TNRC18: variants seen among roughly 807,000 people sequenced by gnomAD.
TNRC18 encodes the protein trinucleotide repeat-containing gene 18 protein.
TNRC18 carries 69 observed loss-of-function variants against 226.7 expected under a neutral mutation model. The ratio of observed to expected loss-of-function variants is 0.30; its 90% confidence interval spans 0.25 to 0.37. TNRC18 has a LOEUF of 0.37. Among genes scored for constraint, TNRC18 ranks in the 10% least tolerant of loss-of-function variants. TNRC18 has a pLI of 1.00. For synonymous variants in TNRC18, 2,449 were observed against 1,927.6 expected (o/e 1.27, Z -7.09); for missense variants, 4,754 against 4,256.6 (o/e 1.12, Z -3.25).
At chr7:5,335,621 A>AG (rs1453184007) in intron 18 of TNRC18, among the ~76,000 whole-genome samples, 59 of 150,232 alleles carry the variant, frequency 3.9e-4, no homozygotes, top group African/African-American at 1.4e-3. Context: ...AAAAAAAAAA[A>AG]ATTAGAAAGG....
intron 14 of TNRC18, among the ~76,000 whole-genome samples, chr7:5,359,990 A>G (rs1001395116): frequency 3.4e-5 from 5 of 146,986 alleles, no homozygotes; most frequent in Non-Finnish European, 4.5e-5. Flanking sequence ...CCAGTAAGGG[A>G]AAAAAAAAAC....
intron 24 of TNRC18, among the ~76,000 whole-genome samples, chr7:5,316,274 CTTTT>C (rs1278896095): frequency 1.2e-4 from 10 of 86,534 alleles, no homozygotes; most frequent in African/African-American, 3.7e-4. Context: ...AGAAATGGGT[CTTTT>C]TTTTTTTTTT....
intron 11 of TNRC18, among the ~76,000 whole-genome samples, 151 bp from the exon 12 acceptor site, chr7:5,362,976 GA>G (rs1793222191): frequency 6.6e-6 from 1 of 152,230 alleles, no homozygotes; most frequent in Non-Finnish European, 1.5e-5. Context: ...TGACATGCCG[GA>G]AGTCCTGAGC....
At chr7:5,389,969 G>A (rs1203857187) in intron 4 of TNRC18, 5 of 169,740 alleles carry the variant, frequency 2.9e-5, no homozygotes, top group Non-Finnish European at 5.0e-5. Flanking sequence ...AAAGTTGCCC[G>A]GAAGGCCTAG....
In TNRC18 at chr7:5,312,899, G is replaced by C; in HGVS notation, c.7992C>G (p.Ser2664=). The part of the protein sequence containing the change: ...SSSSSSSSSS[S]SSSSSSSTTD... ...TGGTGGAGGAAGAAGAGGAGGAAGA[G>C]GAGGAGGAGGAGGAGGATGAGGACG... Residue 2664 remains serine (S), a synonymous_variant, in exon 27 of 30, where the codon TCC becomes TCG. Coordinates refer to ENST00000430969, the MANE Select transcript of TNRC18 (RefSeq NM_001080495.3). This position sits in a 1 kb window ranked among gnomAD's most constrained non-coding sequence, Gnocchi z 6.3. The C allele has an allele frequency of 7.1e-7, 1 of 1,399,376 alleles. No homozygotes were observed. The highest frequency in any genetic ancestry group is 9.6e-7 in the Non-Finnish European group (1 of 1,041,106). The allele number at this position is 1,399,376 out of a possible 1,614,324, so 86.7% of individuals were successfully genotyped here.
chr7:5,361,518 C>T lies in TNRC18; in HGVS notation c.4661+76G>A. 6 of 1,415,484 alleles carry T rather than the reference C, an allele frequency of 4.2e-6. No individual in the cohort carries two copies. The Admixed American group carries it at 1.2e-4, about 28-fold the overall frequency. 87.7% of individuals were successfully genotyped at this position (1,415,484 alleles called of 1,614,324 possible). ...CGCGAGGTCCCCCAGCACCCCGAGGCAGGCCCTGCGTGGGGCCCGGGCTCC... is the reference window on the plus strand; with the variant it reads ...CGCGAGGTCCCCCAGCACCCCGAGGTAGGCCCTGCGTGGGGCCCGGGCTCC... On this transcript the variant is annotated intron_variant, in intron 14 of 29. Transcript: ENST00000430969.
At position 5,308,130 on chromosome 7, in the gene TNRC18, C is replaced by T. The variant is rs368673254; in HGVS notation, c.8883G>A (p.Thr2961=). The T allele has an allele frequency of 3.2e-6, 5 of 1,557,422 alleles. No individual in the cohort carries two copies. Among genetic ancestry groups the T allele is most frequent in the Non-Finnish European group, 4.3e-6 (5 of 1,151,572 alleles). The stretch of plus-strand genomic sequence containing the variant: ...CTCAGCAGAGCACGGGCACGCCGTC[C>T]GTGGAGAAGATCATGCCCGTGGTGG... ...YEPTTGMIFS[T]DGVPVLC is the part of the protein sequence containing the mutation. Residue 2961 remains threonine (T), a synonymous_variant, in exon 30 of 30, where the codon ACG becomes ACA. Coordinates refer to ENST00000430969, the MANE Select transcript of TNRC18 (RefSeq NM_001080495.3).
chr7:5,352,464 A>G (rs1200469989), intron 16 of TNRC18, among the ~76,000 whole-genome samples: 1 of 152,120 alleles, frequency 6.6e-6, no homozygotes, highest in Non-Finnish European at 1.5e-5. Context: ...TGGGATTACG[A>G]TGGCCCAAGG....
intron 18 of TNRC18, among the ~76,000 whole-genome samples, chr7:5,335,060 G>C (rs541201977): frequency 3.9e-4 from 59 of 152,102 alleles, no homozygotes; most frequent in Non-Finnish European, 1.5e-4. Flanking sequence ...CCAGCCCTTT[G>C]GGAGGTCAAG....
chr7:5,421,299 A>G lies in TNRC18; in HGVS notation c.-53T>C, dbSNP rs1782572639. 1.6e-6 allele frequency: 2 copies of G among 1,238,056 alleles called. No individual in the cohort carries two copies. Among genetic ancestry groups the G allele is most frequent in the Non-Finnish European group, 2.0e-6 (2 of 987,390 alleles). The allele number at this position is 1,238,056 out of a possible 1,614,324, so 76.7% of individuals were successfully genotyped here. A position where few individuals can be genotyped will look rare whatever the true frequency, so the allele number is the denominator to read the frequency against. ...CCCACCCGGCCCGCAGGCCTAGCTC[A>G]GTGGGACCTAAAAGTTCGGCCTCGG... On this transcript the variant is annotated 5_prime_UTR_variant, in exon 2 of 30. An upstream open reading frame in the 5' UTR loses its in-frame stop. Coordinates refer to ENST00000430969, the MANE Select transcript of TNRC18 (RefSeq NM_001080495.3).
Position 5,313,685 on chromosome 7 carries a change from G to A in TNRC18, c.7206C>T (p.Ala2402=), listed in dbSNP as rs745770637. 1 of 1,605,598 alleles carries A rather than the reference G, an allele frequency of 6.2e-7. No homozygotes were observed. Among genetic ancestry groups the A allele is most frequent in the African/African-American group, 1.3e-5 (1 of 74,778 alleles). Residue 2402 remains alanine, a synonymous_variant, in exon 27 of 30, where the codon GCC becomes GCT. Transcript: ENST00000430969. ...GCTCGGGTGCTGGGCAGCTGGTGAA[G>A]GCGGGTGGTGCGGGACTGGGCTGCG... ...APPQPSPAPP[A]FTSCPAPEPF...
At chr7:5,361,223 G>A (rs965834835) in intron 14 of TNRC18, among the ~76,000 whole-genome samples, 3 of 152,170 alleles carry the variant, frequency 2.0e-5, no homozygotes, top group Non-Finnish European at 4.4e-5. Flanking sequence ...AGCGACAGCC[G>A]GGTCATAGCC....
At chr7:5,356,829 G>A (rs969644940) in intron 16 of TNRC18, 87 bp downstream of exon 16, 1 of 765,964 alleles carries the variant, frequency 1.3e-6, no homozygotes. Flanking sequence ...AGAGTGAGGG[G>A]CGGGGGGGGA....
At chr7:5,422,099 C>T (rs374782582) in intron 1 of TNRC18, among the ~76,000 whole-genome samples, 1 of 152,108 alleles carries the variant, frequency 6.6e-6, no homozygotes, top group Admixed American at 6.5e-5. Context: ...GTGGTCCCCC[C>T]CCTTTCTCCC....
rs866347435 is a variant in TNRC18 at position 5,332,851 on chromosome 7, T to G, written c.5918A>C (p.Lys1973Thr). The change falls in exon 19 of 30, where the codon AAG (lysine) becomes ACG (threonine). Residue 1973 changes from lysine (K) to threonine (T), a missense_variant. Physicochemically the swap from Lys to Thr is moderately conservative, Grantham distance 78. Coordinates refer to ENST00000430969, the MANE Select transcript of TNRC18 (RefSeq NM_001080495.3). Reference sequence around the variant, plus strand: ...GCCAGGCTCCTTGGGGCCCCGCAGCTTCCGGGCCTTGCGCCCCTTCTCCAC... The same window carrying G: ...GCCAGGCTCCTTGGGGCCCCGCAGCGTCCGGGCCTTGCGCCCCTTCTCCAC... ...LAVEKGRKARKLRGPKEPGFE... is the reference protein window; with the variant it reads ...LAVEKGRKARTLRGPKEPGFE... 6.6e-7 allele frequency: 1 copy of G among 1,510,684 alleles called. No individual in the cohort carries two copies. The highest frequency in any genetic ancestry group is 1.2e-5 in the South Asian group (1 of 80,778). The allele number at this position is 1,510,684 out of a possible 1,614,324, so 93.6% of individuals were successfully genotyped here. A position where few individuals can be genotyped will look rare whatever the true frequency, so the allele number is the denominator to read the frequency against.
chr7:5,388,558 C>A lies in TNRC18; in HGVS notation c.1266G>T (p.Arg422=). The change falls in exon 5 of 30, where the codon CGG becomes CGT. Residue 422 remains arginine (R), a synonymous_variant. Coordinates refer to ENST00000430969, the MANE Select transcript of TNRC18 (RefSeq NM_001080495.3). ...AGTTCTTCTCGCGCAGGCCCTCGGG[C>A]CGGTCCAGAGGCCGCGGGGAGCCGG... ...APPGSPRPLD[R]PEGLREKNSV... 1 of 1,312,702 alleles carries A rather than the reference C, an allele frequency of 7.6e-7. No individual in the cohort carries two copies. Among genetic ancestry groups the A allele is most frequent in the Non-Finnish European group, 9.7e-7 (1 of 1,033,876 alleles). The allele number at this position is 1,312,702 out of a possible 1,614,324, so 81.3% of individuals were successfully genotyped here.
rs374758619 is a variant in TNRC18 at position 5,421,208 on chromosome 7, G to A, written c.39C>T (p.His13=). Residue 13 remains histidine, a synonymous_variant, in exon 2 of 30, where the codon CAC becomes CAT. Transcript: ENST00000430969. The part of the protein sequence containing the change: ...GRDFGPQRSV[H]GPPPPLLSGL... ...CGGACAGCAGCGGCGGCGGGGGACC[G>A]TGCACGGACCGCTGGGGCCCGAAGT... 36 of 1,340,222 alleles carry A rather than the reference G, an allele frequency of 2.7e-5. No individual in the cohort carries two copies. Among genetic ancestry groups the A allele is most frequent in the East Asian group, 2.1e-4 (7 of 33,040 alleles). 83.0% of individuals were successfully genotyped at this position (1,340,222 alleles called of 1,614,324 possible).
At position 5,394,666 on chromosome 7, in the gene TNRC18, C is replaced by G. The variant is rs556000584; in HGVS notation, c.188-71G>C. On this transcript the variant is annotated intron_variant, in intron 2 of 29. Coordinates refer to ENST00000430969, the MANE Select transcript of TNRC18 (RefSeq NM_001080495.3). The surrounding 1 kb of genome is among the most constrained non-coding windows in gnomAD (Gnocchi z 4.5). Reference sequence around the variant, plus strand: ...GCGCCGCCGCCCCAGCCCACCGCCCCGACCCACCGCCCCGAGACCGCCGCC... The same window carrying G: ...GCGCCGCCGCCCCAGCCCACCGCCCGGACCCACCGCCCCGAGACCGCCGCC... 1.5e-5 allele frequency: 18 copies of G among 1,214,550 alleles called. No individual in the cohort carries two copies. In the East Asian group the frequency reaches 4.3e-4, roughly 29 times the overall value. The allele number at this position is 1,214,550 out of a possible 1,614,324, so 75.2% of individuals were successfully genotyped here. A position where few individuals can be genotyped will look rare whatever the true frequency, so the allele number is the denominator to read the frequency against.
chr7:5,317,965 G>A (rs1303450910), intron 24 of TNRC18, among the ~76,000 whole-genome samples: 3 of 151,996 alleles, frequency 2.0e-5, no homozygotes, highest in African/African-American at 7.2e-5. Context: ...TACTTCCCGG[G>A]TTCAGGTGAT....
Sources: allele counts gnomAD v4.1 joint callset (sites outside exome capture counted in the v4.1 genomes callset), GRCh38; gene constraint gnomAD v4.1.1; non-coding constraint Gnocchi (gnomAD v3.1); transcripts MANE v1.5; gene names NCBI Gene and HGNC (gene_info 2026-07-23, HGNC 2026-07-21).